CDH24: variants seen among roughly 807,000 people sequenced by gnomAD.
CDH24 encodes cadherin 24.
Under a neutral mutation model 71.2 loss-of-function variants are expected in CDH24, and 61 were observed. The ratio of observed to expected loss-of-function variants is 0.86; its 90% CI spans 0.70 to 1.06. The LOEUF is 1.06. Ranked by LOEUF, CDH24 falls within the 50% of genes least tolerant of loss-of-function variation. The probability of loss-of-function intolerance (pLI) is 0.00; values close to 1 mark genes in which losing one functional copy is unlikely to be tolerated. For synonymous variants in CDH24, 440 were observed against 470.2 expected (o/e 0.94, Z 0.83); for missense variants, 961 against 1,083.7 (o/e 0.89, Z 1.59).
rs1331205784 is a variant in CDH24 at position 23,054,588 on chromosome 14, G to A, written c.702C>T (p.Gly234=). Residue 234 remains glycine, a synonymous_variant, in exon 5 of 13, where the codon GGC becomes GGT. Coordinates refer to ENST00000487137, the MANE Select transcript of CDH24 (RefSeq NM_144985.4). This position sits in a 1 kb window ranked among gnomAD's most constrained non-coding sequence, Gnocchi z 5.2. ...LVVIQAKDMG[G]HMGGLSGSTT... ...TGCTGCCTGACAGCCCCCCCATGTG[G>A]CCGCCCATGTCCTTGGCCTGGATCA... The A allele has an allele frequency of 6.2e-7, 1 of 1,614,096 alleles. No homozygotes were observed. The highest frequency in any genetic ancestry group is 1.6e-4 in the Middle Eastern group (1 of 6,062).
At chr14:23,050,062 G>GC in intron 8 of CDH24, 119 bp from the exon 9 acceptor site, 1 of 1,356,926 alleles carries the variant, frequency 7.4e-7, no homozygotes, top group Non-Finnish European at 1.0e-6. Context: ...AGAAACACAT[G>GC]AAATATGCAT....
rs1161596730 is a variant in CDH24, at chr14:23,048,342, T to C, written c.1984A>G (p.Ile662Val). ...GGEEDTEAFDITALQNPDGAA... is the reference protein window; with the variant it reads ...GGEEDTEAFDVTALQNPDGAA... ...CCGTCCGGGTTCTGCAAGGCCGTGATGTCGAAGGCCTCGGTGTCCTCCTCG... is the reference window on the plus strand; with the variant it reads ...CCGTCCGGGTTCTGCAAGGCCGTGACGTCGAAGGCCTCGGTGTCCTCCTCG... The change falls in exon 12 of 13, where the codon ATC (isoleucine) becomes GTC (valine). Residue 662 changes from isoleucine (I) to valine (V), a missense_variant. Ile to Val is a conservative substitution (Grantham distance 29). This residue lies in a region of CDH24 where 290 missense variants were observed against 272.8 expected (regional missense o/e 1.06). Transcript: ENST00000487137. 6.2e-7 allele frequency: 1 copy of C among 1,611,506 alleles called. No homozygotes were observed.
chr14:23,050,102 G>C, intron 8 of CDH24, 159 bp from the exon 9 acceptor site: 1 of 978,216 alleles, frequency 1.0e-6, no homozygotes, highest in Non-Finnish European at 1.5e-6. Context: ...CAATGTTGCA[G>C]AATGAATGGA....
rs568329721 is a variant in CDH24 at position 23,047,951 on chromosome 14, C to A, written c.*29G>T. 1.3e-4 allele frequency: 174 copies of A among 1,291,938 alleles called. No individual in the cohort carries two copies. The highest frequency in any genetic ancestry group is 1.5e-4 in the Non-Finnish European group (153 of 1,023,204). The allele number at this position is 1,291,938 out of a possible 1,614,324, so 80.0% of individuals were successfully genotyped here. ...GAGGGCCTGTGCCCGCTGCCCCCCCCCCGCGGTGGGCCGGGCCAGCCCGGG... is the reference window on the plus strand; with the variant it reads ...GAGGGCCTGTGCCCGCTGCCCCCCCACCGCGGTGGGCCGGGCCAGCCCGGG... On this transcript the variant is annotated 3_prime_UTR_variant, in exon 12 of 13. Coordinates refer to ENST00000487137, the MANE Select transcript of CDH24 (RefSeq NM_144985.4).
chr14:23,048,282 G>T lies in CDH24; in HGVS notation c.2044C>A (p.Arg682=). ...ACCCGGGCCCGGGGCAACACGTCTC[G>T]GCGCGCGGGAGGGCCGGGCGCCGGG... is the stretch of plus-strand genomic sequence containing the variant. ...APPAPGPPAR[R]DVLPRARVSR... Residue 682 remains arginine, a synonymous_variant, in exon 12 of 13, where the codon CGA becomes AGA. Transcript: ENST00000487137. 6.4e-7 allele frequency: 1 copy of T among 1,571,846 alleles called. No homozygotes were observed.
At position 23,049,195 on chromosome 14, in the gene CDH24, C is replaced by G. The variant is rs1212611350; in HGVS notation, c.1678G>C (p.Asp560His). The change falls in exon 11 of 13, where the codon GAC becomes CAC. Residue 560 changes from aspartate (D) to histidine (H), a missense_variant. Physicochemically the swap from Asp to His is moderately conservative, Grantham distance 81. Around this residue, in one of 2 missense-constraint regions of CDH24, gnomAD observed 671 missense variants for 810.9 expected, o/e 0.83. Transcript: ENST00000487137. ...CTGCTCAGCGCCGGCTGCCCCCAGT[C>G]CCACAGTTCTATGGGAACCAAGTAG... Reference protein sequence around the residue: ...APYLVPIELWDWGQPALSSTA... With the variant: ...APYLVPIELWHWGQPALSSTA... 1 of 1,576,108 alleles carries G rather than the reference C, an allele frequency of 6.3e-7. No homozygotes were observed. The highest frequency in any genetic ancestry group is 8.6e-7 in the Non-Finnish European group (1 of 1,160,350).
rs2047092656 is a variant in CDH24 at position 23,052,517 on chromosome 14, TCGCGATCCA to T, written c.1310_1318del (p.Leu437_Glu440delinsGln). On this transcript the variant is annotated inframe_deletion, in exon 8 of 13. Transcript: ENST00000487137. The stretch of plus-strand genomic sequence containing the variant: ...AGTGAGGTTGTGCCAGGCGCGAGCC[TCGCGATCCA>T]GGGGTGCTGCTGTATGGATGGTGCC... 13 of 1,614,074 alleles carry T rather than the reference TCGCGATCCA, an allele frequency of 8.1e-6. No individual in the cohort carries two copies. The highest frequency in any genetic ancestry group is 1.1e-5 in the Non-Finnish European group (13 of 1,180,010).
At position 23,049,745 on chromosome 14, in the gene CDH24, G is replaced by C. The variant is rs201957516; in HGVS notation, c.1486-7C>G. On this transcript the variant is annotated splice_polypyrimidine_tract_variant and splice_region_variant and intron_variant, in intron 9 of 12. Transcript: ENST00000487137. Reference sequence around the variant, plus strand: ...CCCGGATGACCTGAATCAGCTGGGAGGAAGAAGAGAGAGGCCTTGTATGGA... The same window carrying C: ...CCCGGATGACCTGAATCAGCTGGGACGAAGAAGAGAGAGGCCTTGTATGGA... 5.7e-5 allele frequency: 92 copies of C among 1,611,638 alleles called. No homozygotes were observed. Among genetic ancestry groups the C allele is most frequent in the Non-Finnish European group, 7.2e-5 (85 of 1,178,244 alleles).
Position 23,047,685 on chromosome 14 carries a change from A to C in CDH24, c.*295T>G. 5 of 274,764 alleles carry C rather than the reference A, an allele frequency of 1.8e-5. No homozygotes were observed. The highest frequency in any genetic ancestry group is 1.4e-5 in the Non-Finnish European group (2 of 146,844). The allele number at this position is 274,764 out of a possible 1,614,324, so 17.0% of individuals were successfully genotyped here. On this transcript the variant is annotated 3_prime_UTR_variant, in exon 12 of 13. Coordinates refer to ENST00000487137, the MANE Select transcript of CDH24 (RefSeq NM_144985.4). The stretch of plus-strand genomic sequence containing the variant: ...TGCAGAGACAAAACGCCACGGAGGA[A>C]GGAGAGGAATCACAGTGAGAGATCG...
chr14:23,052,270 C>T, intron 8 of CDH24: 5 of 745,818 alleles, frequency 6.7e-6, no homozygotes, highest in Non-Finnish European at 1.1e-5. Flanking sequence ...GAGGCCCGCC[C>T]TGCCTGGTAG....
chr14:23,055,367 G>A lies in CDH24; in HGVS notation c.202-14C>T, dbSNP rs772686762. On this transcript the variant is annotated splice_polypyrimidine_tract_variant and intron_variant, in intron 2 of 12. Coordinates refer to ENST00000487137, the MANE Select transcript of CDH24 (RefSeq NM_144985.4). This position sits in a 1 kb window ranked among gnomAD's most constrained non-coding sequence, Gnocchi z 4.1. Reference sequence around the variant, plus strand: ...ATCCGAGTGCAGCTGCAGGGGTCACGAAAAGATGGCAGAGGGCTCCAAGTA... The same window carrying A: ...ATCCGAGTGCAGCTGCAGGGGTCACAAAAAGATGGCAGAGGGCTCCAAGTA... 6.2e-6 allele frequency: 10 copies of A among 1,601,536 alleles called. No homozygotes were observed. Among genetic ancestry groups the A allele is most frequent in the South Asian group, 3.3e-5 (3 of 90,768 alleles).
chr14:23,052,375 G>C (rs760370336), intron 8 of CDH24, 98 bp downstream of exon 8: 1 of 1,311,044 alleles, frequency 7.6e-7, no homozygotes, highest in Non-Finnish European at 1.1e-6. Flanking sequence ...ACGCTGGTGA[G>C]GGTGCGATGG....
rs958542159 is a variant in CDH24 at position 23,054,920 on chromosome 14, A to T, written c.497-54T>A. 17 of 1,578,392 alleles carry T rather than the reference A, an allele frequency of 1.1e-5. No individual in the cohort carries two copies. The highest frequency in any genetic ancestry group is 4.7e-5 in the African/African-American group (3 of 63,682). On this transcript the variant is annotated intron_variant, in intron 3 of 12. Transcript: ENST00000487137. This position sits in a 1 kb window ranked among gnomAD's most constrained non-coding sequence, Gnocchi z 5.2. ...CAGCAGCAGGGAAGGATGGGGAAGA[A>T]CAACCGATGGGGGGGGATGCAGATA...
Position 23,048,027 on chromosome 14 carries a change from G to A in CDH24, c.2299C>T (p.Arg767Cys), listed in dbSNP as rs748718287. The change falls in exon 12 of 13, where the codon CGC becomes TGC. Residue 767 changes from arginine (R) to cysteine (C), a missense_variant. Around this residue, in one of 2 missense-constraint regions of CDH24, gnomAD observed 290 missense variants for 272.8 expected, o/e 1.06. Coordinates refer to ENST00000487137, the MANE Select transcript of CDH24 (RefSeq NM_144985.4). ...GCCCCATACAGCTCGGCCAGGGTGC[G>A]GAAGAGCGGACCCCAGTCGTCCAGC... ...EPLDDWGPLF[R>C]TLAELYGAKE... is the part of the protein sequence containing the mutation. 365 of 1,448,496 alleles carry A rather than the reference G, an allele frequency of 2.5e-4. No individual in the cohort carries two copies. The highest frequency in any genetic ancestry group is 3.2e-4 in the Non-Finnish European group (351 of 1,106,022). The allele number at this position is 1,448,496 out of a possible 1,614,324, so 89.7% of individuals were successfully genotyped here.
chr14:23,052,724 T>A, intron 7 of CDH24, 115 bp from the exon 8 acceptor site: 1 of 1,075,066 alleles, frequency 9.3e-7, no homozygotes, highest in South Asian at 1.5e-5. Flanking sequence ...CTCCTCTGGG[T>A]AGAGCCATAA....
At chr14:23,048,618 C>G in intron 11 of CDH24, 139 bp from the exon 12 acceptor site, 1 of 833,288 alleles carries the variant, frequency 1.2e-6, no homozygotes, top group Non-Finnish European at 1.9e-6. Context: ...TGCATTGAAT[C>G]CTGACTTCAG....
chr14:23,054,577 C>A lies in CDH24; in HGVS notation c.713G>T (p.Gly238Val), dbSNP rs958293206. ...AGTCACCGTAGTGCTGCCTGACAGC[C>A]CCCCCATGTGGCCGCCCATGTCCTT... The part of the protein sequence containing the change: ...QAKDMGGHMG[G>V]LSGSTTVTVT... The change falls in exon 5 of 13, where the codon GGG (glycine) becomes GTG (valine). Residue 238 changes from glycine (G) to valine (V), a missense_variant. This residue lies in a region of CDH24 where 671 missense variants were observed against 810.9 expected (regional missense o/e 0.83). Coordinates refer to ENST00000487137, the MANE Select transcript of CDH24 (RefSeq NM_144985.4). This position sits in a 1 kb window ranked among gnomAD's most constrained non-coding sequence, Gnocchi z 5.2. The A allele has an allele frequency of 3.7e-6, 6 of 1,613,966 alleles. No homozygotes were observed. Among genetic ancestry groups the A allele is most frequent in the Non-Finnish European group, 5.1e-6 (6 of 1,180,008 alleles).
At position 23,048,273 on chromosome 14, in the gene CDH24, A is replaced by G. The variant is rs771090320; in HGVS notation, c.2053T>C (p.Leu685=). The G allele has an allele frequency of 1.3e-5, 20 of 1,546,220 alleles. No homozygotes were observed. The highest frequency in any genetic ancestry group is 2.9e-5 in the African/African-American group (2 of 69,862). The change falls in exon 12 of 13, where the codon TTG becomes CTG. Residue 685 remains leucine, a synonymous_variant. Coordinates refer to ENST00000487137, the MANE Select transcript of CDH24 (RefSeq NM_144985.4). ...TGGCGCGACACCCGGGCCCGGGGCA[A>G]CACGTCTCGGCGCGCGGGAGGGCCG... The part of the protein sequence containing the change: ...APGPPARRDV[L]PRARVSRQPR...
At chr14:23,056,090 G>A (rs2047127885) in intron 1 of CDH24, among the ~76,000 whole-genome samples, 1 of 152,224 alleles carries the variant, frequency 6.6e-6, no homozygotes, top group Admixed American at 6.5e-5. Context: ...GAGAACTGGG[G>A]AGGAACACAG....
Sources: gnomAD v4.1 joint callset for allele counts (sites outside exome capture counted in the v4.1 genomes callset) on GRCh38, gnomAD v4.1.1 for gene constraint, gnomAD v4.1.1 regional missense constraint, Gnocchi (gnomAD v3.1) non-coding constraint, MANE v1.5 for transcripts, NCBI Gene and HGNC (gene_info 2026-07-23, HGNC 2026-07-21) for gene names.